The following SLC38A6 variants were observed in gnomAD, a reference collection of about 807,000 sequenced individuals.
SLC38A6 encodes the protein solute carrier family 38 member 6.
SLC38A6 carries 73 observed loss-of-function variants against 65.0 expected under a neutral mutation model. The observed-to-expected ratio is 1.12, with a 90% CI of 0.93 to 1.37. SLC38A6 has a LOEUF of 1.37. Ranked by LOEUF, SLC38A6 falls within the 40% of genes most tolerant of loss-of-function variation. The pLI, the probability that SLC38A6 is intolerant of heterozygous loss-of-function variation, is 0.00. For synonymous variants in SLC38A6, 183 were observed against 178.8 expected (o/e 1.02, Z -0.19); for missense variants, 561 against 531.1 (o/e 1.06, Z -0.55).
intron 8 of SLC38A6, among the ~76,000 whole-genome samples, chr14:61,040,816 A>C (rs890554534): frequency 1.3e-5 from 2 of 152,182 alleles, no homozygotes; most frequent in Non-Finnish European, 2.9e-5. Flanking sequence ...TTTTAGTCAG[A>C]AGCTTTGCTT....
intron 3 of SLC38A6, among the ~76,000 whole-genome samples, chr14:61,005,166 T>C (rs1460362266): frequency 6.6e-6 from 1 of 152,154 alleles, no homozygotes; most frequent in Non-Finnish European, 1.5e-5. Context: ...AAATTAGGTA[T>C]TGATGGGACG....
chr14:61,074,100 A>C (rs1024471489), intron 15 of SLC38A6, among the ~76,000 whole-genome samples: 2 of 152,174 alleles, frequency 1.3e-5, no homozygotes, highest in African/African-American at 4.8e-5. Flanking sequence ...GGCTATTAGC[A>C]GTTAAGTTTT....
chr14:60,982,335 T>C (rs1459680880), intron 1 of SLC38A6, 173 bp from the exon 2 acceptor site: 9 of 743,216 alleles, frequency 1.2e-5, no homozygotes, highest in Non-Finnish European at 1.9e-5. Flanking sequence ...GCTGCAGTAG[T>C]GGGAGGTGGG....
rs543652490 is a variant in SLC38A6 at position 60,992,331 on chromosome 14, C to T, written c.310+7528C>T. The stretch of plus-strand genomic sequence containing the variant: ...CTCAAATGTGCTCCTCTTCCTGTAC[C>T]GTACCTCCGTGAATGGTACCACCAG... On this transcript the variant is annotated intron_variant, in intron 3 of 15. Coordinates refer to ENST00000267488, the MANE Select transcript of SLC38A6 (RefSeq NM_153811.3). Among the ~76,000 whole-genome samples the T allele has an allele frequency of 7.4e-4, 113 of 152,226 alleles. 1 individual carries two copies. The highest frequency in any genetic ancestry group is 6.2e-3 in the South Asian group (30 of 4,816).
intron 3 of SLC38A6, among the ~76,000 whole-genome samples, chr14:60,992,126 C>T (rs10129952): frequency 0.68 from 104,026 of 152,060 alleles, 35,721 homozygotes; most frequent in African/African-American, 0.7. Flanking sequence ...TTGTACTTTA[C>T]TATCTTTGAA....
chr14:61,000,531 C>T (rs1415937100), intron 3 of SLC38A6, among the ~76,000 whole-genome samples: 5 of 151,986 alleles, frequency 3.3e-5, no homozygotes, highest in Non-Finnish European at 7.4e-5. Flanking sequence ...CTCGGGAGCC[C>T]GAGTCAGGAG....
rs754662976 is a variant in SLC38A6 at position 61,051,879 on chromosome 14, C to T, written c.1143C>T (p.Ile381=). Residue 381 remains isoleucine (I), a synonymous_variant, in exon 14 of 16, where the codon ATC becomes ATT. Coordinates refer to ENST00000267488, the MANE Select transcript of SLC38A6 (RefSeq NM_153811.3). ...FLITLALNII[I]VLLAIYVPDI... ...TCACTCTAGCACTCAATATTATCAT[C>T]GTTTTACTTGCAATATATGTTCCTG... is the stretch of plus-strand genomic sequence containing the variant. 8 of 1,611,940 alleles carry T rather than the reference C, an allele frequency of 5.0e-6. No homozygotes were observed. The highest frequency in any genetic ancestry group is 2.2e-5 in the East Asian group (1 of 44,736).
chr14:61,021,052 T>C (rs1216765944), intron 5 of SLC38A6, among the ~76,000 whole-genome samples: 1 of 152,178 alleles, frequency 6.6e-6, no homozygotes, highest in African/African-American at 2.4e-5. Flanking sequence ...TGGAGATGGC[T>C]ATACTGTAGC....
In SLC38A6 at chr14:61,015,642, G is replaced by A. The variant is rs78756645; in HGVS notation, c.311-262G>A. 5.0e-3 allele frequency among the ~76,000 whole-genome samples: 762 copies of A among 152,286 alleles called. 9 individuals are homozygous for A. The highest frequency in any genetic ancestry group is 0.017 in the African/African-American group (703 of 41,558). On this transcript the variant is annotated intron_variant, in intron 3 of 15. Transcript: ENST00000267488. ...GAAAATCATAGGTATTGTGGCTTAT[G>A]TTTTGGGATGGAAATGAAAGATTTG...
At chr14:61,045,305 AG>A in intron 10 of SLC38A6, 40 bp from the exon 11 acceptor site, 1 of 1,236,108 alleles carries the variant, frequency 8.1e-7, no homozygotes, top group South Asian at 1.2e-5. Context: ...GTTTCAGTAG[AG>A]TGGCATTTAA....
At chr14:60,985,561 T>C (rs2037392489) in intron 3 of SLC38A6, among the ~76,000 whole-genome samples, 1 of 152,224 alleles carries the variant, frequency 6.6e-6, no homozygotes, top group Non-Finnish European at 1.5e-5. Flanking sequence ...GATGCCAAAA[T>C]CATGGGTTTA....
At chr14:61,061,556 A>G (rs2042842032) in intron 15 of SLC38A6, among the ~76,000 whole-genome samples, 1 of 152,164 alleles carries the variant, frequency 6.6e-6, no homozygotes, top group Non-Finnish European at 1.5e-5. Flanking sequence ...TACTGTCTCC[A>G]TAGTTTTGTC....
At chr14:61,006,459 A>G (rs1388346810) in intron 3 of SLC38A6, among the ~76,000 whole-genome samples, 1 of 152,234 alleles carries the variant, frequency 6.6e-6, no homozygotes, top group African/African-American at 2.4e-5. Context: ...TAGAATCTAC[A>G]ATGAACTCAA....
intron 3 of SLC38A6, among the ~76,000 whole-genome samples, chr14:60,988,292 A>G (rs1347042312): frequency 2.0e-5 from 3 of 152,196 alleles, no homozygotes; most frequent in Non-Finnish European, 1.5e-5. Flanking sequence ...TTTTAATCTC[A>G]TGAATGTATA....
chr14:61,035,182 G>A (rs926161009), intron 6 of SLC38A6, among the ~76,000 whole-genome samples: 2 of 152,090 alleles, frequency 1.3e-5, no homozygotes, highest in African/African-American at 4.8e-5. Context: ...TTGTGCGTGT[G>A]TATGTATGTG....
Position 60,982,605 on chromosome 14 carries a change from A to T in SLC38A6, c.203A>T (p.Tyr68Phe), listed in dbSNP as rs1310615771. Residue 68 changes from tyrosine to phenylalanine, a missense_variant, in exon 2 of 16, where the codon TAT becomes TTT. By Grantham distance (22) the Tyr-to-Phe change is conservative (BLOSUM62 3). Coordinates refer to ENST00000267488, the MANE Select transcript of SLC38A6 (RefSeq NM_153811.3). The part of the protein sequence containing the change: ...IMGSGILGLA[Y>F]VLANTGVFGF... ...GGAAGTGGCATCCTTGGCTTAGCTT[A>T]TGTTTTGGCTAATACCGGTGTCTTT... 1.9e-6 allele frequency: 3 copies of T among 1,613,752 alleles called. No individual in the cohort carries two copies. Among genetic ancestry groups the T allele is most frequent in the South Asian group, 2.2e-5 (2 of 91,006 alleles).
chr14:60,989,208 TTTA>T (rs2037677089), intron 3 of SLC38A6, among the ~76,000 whole-genome samples: 1 of 152,198 alleles, frequency 6.6e-6, no homozygotes, highest in African/African-American at 2.4e-5. Flanking sequence ...ATTCTTTGTG[TTTA>T]TTTCTAAGGC....
At chr14:61,009,952 A>G (rs371388094) in intron 3 of SLC38A6, among the ~76,000 whole-genome samples, 19 of 152,282 alleles carry the variant, frequency 1.2e-4, no homozygotes, top group East Asian at 1.9e-4. Context: ...CTGAGGAATC[A>G]CCACACTGAC....
intron 3 of SLC38A6, among the ~76,000 whole-genome samples, chr14:60,993,133 C>A (rs2038036504): frequency 6.6e-6 from 1 of 152,174 alleles, no homozygotes; most frequent in South Asian, 2.1e-4. Context: ...CAGGCGTGAG[C>A]CACCGCACCT....
Sources: gnomAD v4.1 joint callset for allele counts (sites outside exome capture counted in the v4.1 genomes callset) on GRCh38, gnomAD v4.1.1 for gene constraint, MANE v1.5 for transcripts, NCBI Gene and HGNC (gene_info 2026-07-23, HGNC 2026-07-21) for gene names.